The following PLXNA4 variants were observed in gnomAD, a reference collection of about 807,000 sequenced individuals.
PLXNA4 encodes the protein plexin-A4.
Under a neutral mutation model 191.8 loss-of-function variants are expected in PLXNA4, and 44 were observed. That is an observed-to-expected ratio of 0.23 (90% CI 0.18 to 0.29). The LOEUF (loss-of-function observed/expected upper bound fraction) is 0.29. PLXNA4 is among the 10% of genes least tolerant of loss of function. PLXNA4 has a pLI of 1.00. For missense variants in PLXNA4, 1,800 were observed against 2,488.8 expected (o/e 0.72, Z 5.89); for synonymous variants, 1,082 against 1,009.5 (o/e 1.07, Z -1.36).
chr7:132,597,391 C>A (rs1270485455), intron 2 of PLXNA4, among the ~76,000 whole-genome samples: 1 of 152,186 alleles, frequency 6.6e-6, no homozygotes, highest in Non-Finnish European at 1.5e-5. Flanking sequence ...CAAAATATCT[C>A]AATAATTCCA....
rs556693396 is a variant in PLXNA4 at position 132,401,119 on chromosome 7, C to T, written c.1371+88173G>A. Among the ~76,000 whole-genome samples, 4 of 152,282 alleles carry T rather than the reference C, an allele frequency of 2.6e-5. No individual in the cohort carries two copies. The South Asian group carries it at 8.3e-4, about 32-fold the overall frequency. ...ATAAAATTGCACAAGACTAAATACA[C>T]ACTCGCCAATGCAAAAAACTGGTGA... On this transcript the variant is annotated intron_variant, in intron 3 of 31. Transcript: ENST00000321063.
intron 4 of PLXNA4, among the ~76,000 whole-genome samples, chr7:132,251,051 CTTTT>C (rs34455636): frequency 4.6e-5 from 6 of 130,020 alleles, no homozygotes; most frequent in Non-Finnish European, 6.4e-5. Flanking sequence ...CTGTTCCAGC[CTTTT>C]TTTTTTTTTT....
At chr7:132,339,429 T>A (rs1802940371) in intron 3 of PLXNA4, among the ~76,000 whole-genome samples, 1 of 152,224 alleles carries the variant, frequency 6.6e-6, no homozygotes, top group Non-Finnish European at 1.5e-5. Context: ...CTCAGTCACA[T>A]ATTCTACAGA....
intron 2 of PLXNA4, among the ~76,000 whole-genome samples, chr7:132,627,239 C>T (rs1369354483): frequency 6.6e-6 from 1 of 152,096 alleles, no homozygotes; most frequent in Non-Finnish European, 1.5e-5. Context: ...CATGCTTATG[C>T]TTCTATTTGT....
chr7:132,462,060 G>A (rs1204478654), intron 3 of PLXNA4, among the ~76,000 whole-genome samples: 1 of 152,144 alleles, frequency 6.6e-6, no homozygotes, highest in Non-Finnish European at 1.5e-5. Flanking sequence ...GTTTGAAAGG[G>A]ATGAATCCAT....
At chr7:132,247,912 C>G (rs939593570) in intron 4 of PLXNA4, among the ~76,000 whole-genome samples, 1 of 152,180 alleles carries the variant, frequency 6.6e-6, no homozygotes, top group Non-Finnish European at 1.5e-5. Flanking sequence ...AAGGCAGATG[C>G]CAGAAGGCTG....
chr7:132,449,327 T>G (rs1477342275), intron 3 of PLXNA4, among the ~76,000 whole-genome samples: 1 of 152,198 alleles, frequency 6.6e-6, no homozygotes, highest in African/African-American at 2.4e-5. Flanking sequence ...TACATTCAAC[T>G]GTGCACCTTG....
chr7:132,203,459 T>A, intron 10 of PLXNA4, 40 bp from the exon 11 acceptor site: 1 of 1,570,848 alleles, frequency 6.4e-7, no homozygotes, highest in East Asian at 2.2e-5. Context: ...GAAAGTGGGG[T>A]CACAGAGAGT....
At chr7:132,619,073 T>C (rs1803210765) in intron 2 of PLXNA4, among the ~76,000 whole-genome samples, 1 of 152,204 alleles carries the variant, frequency 6.6e-6, no homozygotes, top group Non-Finnish European at 1.5e-5. Context: ...CAGAAGGAAA[T>C]GACTCAGAAC....
chr7:132,252,308 T>G (rs1032778846), intron 4 of PLXNA4, among the ~76,000 whole-genome samples: 7 of 114,082 alleles, frequency 6.1e-5, no homozygotes, highest in African/African-American at 1.1e-4. Context: ...AGTTTTTTTT[T>G]TTTTTTTTTT....
intron 3 of PLXNA4, among the ~76,000 whole-genome samples, chr7:132,379,415 GAAAGAAATGGAGGC>G (rs1804800551): frequency 6.6e-6 from 1 of 152,182 alleles, no homozygotes; most frequent in South Asian, 2.1e-4. Flanking sequence ...CTGGAGGAGG[GAAAGAAATGGAGGC>G]AGCATGTCAA....
chr7:132,529,165 T>C (rs918704584), intron 1 of PLXNA4, among the ~76,000 whole-genome samples: 1 of 152,158 alleles, frequency 6.6e-6, no homozygotes, highest in African/African-American at 2.4e-5. Context: ...AACCCCACCC[T>C]GGAAGGCCCT....
At chr7:132,218,120 G>A (rs942728649) in intron 9 of PLXNA4, among the ~76,000 whole-genome samples, 11 of 152,180 alleles carry the variant, frequency 7.2e-5, no homozygotes, top group Admixed American at 5.2e-4. Context: ...CAGCACCAGG[G>A]GCAAGCGGCA....
intron 21 of PLXNA4, among the ~76,000 whole-genome samples, chr7:132,171,385 C>G (rs1292993951): frequency 6.6e-6 from 1 of 152,192 alleles, no homozygotes; most frequent in Non-Finnish European, 1.5e-5. Context: ...TCCCAAGTGC[C>G]CGTTCGTCCT....
chr7:132,160,128 G>C (rs1450884), intron 24 of PLXNA4, among the ~76,000 whole-genome samples: 86,513 of 151,944 alleles, frequency 0.57, 29,664 homozygotes, highest in East Asian at 0.81. Flanking sequence ...CACACACACA[G>C]AACTAATAGG....
chr7:132,229,233 C>G (rs540969348), intron 5 of PLXNA4, among the ~76,000 whole-genome samples: 1 of 152,168 alleles, frequency 6.6e-6, no homozygotes, highest in Non-Finnish European at 1.5e-5. Context: ...AATCCTGGCT[C>G]TAAGGTTTGC....
intron 1 of PLXNA4, chr7:132,648,403 C>T (rs1803926520): frequency 6.6e-6 from 1 of 152,218 alleles, no homozygotes; most frequent in Non-Finnish European, 1.5e-5. Context: ...CAAGGGACAT[C>T]ACTAAGAGCT....
intron 25 of PLXNA4, among the ~76,000 whole-genome samples, chr7:132,158,242 C>T (rs1562888481): frequency 6.6e-6 from 1 of 152,208 alleles, no homozygotes; most frequent in Non-Finnish European, 1.5e-5. Flanking sequence ...CTTTAGACAT[C>T]AGAATTCAGA....
chr7:132,504,284 A>G (rs970939674), intron 2 of PLXNA4, among the ~76,000 whole-genome samples: 2 of 152,216 alleles, frequency 1.3e-5, no homozygotes, highest in Non-Finnish European at 2.9e-5. Flanking sequence ...TCCCTGGCAC[A>G]AGGGGCCTTG....
Sources: gnomAD v4.1 joint callset for allele counts (sites outside exome capture counted in the v4.1 genomes callset) on GRCh38, gnomAD v4.1.1 for gene constraint, MANE v1.5 for transcripts, NCBI Gene and HGNC (gene_info 2026-07-23, HGNC 2026-07-21) for gene names.